The following PKN2 variants were observed in gnomAD, a reference collection of about 807,000 sequenced individuals.
The protein encoded by PKN2 is serine/threonine-protein kinase N2.
Under a neutral mutation model 119.1 loss-of-function variants are expected in PKN2, and 38 were observed. That is an observed-to-expected ratio of 0.32 (90% CI 0.25 to 0.42). The LOEUF is 0.42. Ranked by LOEUF, PKN2 falls within the 10% of genes least tolerant of loss-of-function variation. PKN2 has a pLI of 1.00. For missense variants in PKN2, 850 were observed against 1,165.1 expected, an observed-to-expected ratio of 0.73 and a Z score of 3.94; for synonymous variants, 390 against 384.9, an observed-to-expected ratio of 1.01 and a Z score of -0.15.
intron 17 of PKN2, among the ~76,000 whole-genome samples, chr1:88,822,913 G>A (rs553433184): frequency 6.6e-6 from 1 of 151,792 alleles, no homozygotes; most frequent in Non-Finnish European, 1.5e-5. Flanking sequence ...TGATAAGATT[G>A]TTTTACCTAA....
At chr1:88,687,318 A>G (rs1219964439) in intron 1 of PKN2, among the ~76,000 whole-genome samples, 2 of 152,204 alleles carry the variant, frequency 1.3e-5, no homozygotes, top group Middle Eastern at 3.2e-3. Context: ...TCAAGGTATA[A>G]GGAAGAATAT....
At chr1:88,792,398 G>A (rs566055588) in intron 8 of PKN2, among the ~76,000 whole-genome samples, 10 of 151,448 alleles carry the variant, frequency 6.6e-5, no homozygotes, top group East Asian at 1.9e-4. Context: ...GTGAGACTCC[G>A]TCTCAAAAAA....
intron 1 of PKN2, among the ~76,000 whole-genome samples, chr1:88,708,374 C>G (rs902741251): frequency 1.3e-5 from 2 of 151,982 alleles, no homozygotes; most frequent in African/African-American, 4.8e-5. Context: ...TAAGATATTT[C>G]AAAGTCTTGT....
At chr1:88,747,246 G>A (rs895644241) in intron 2 of PKN2, among the ~76,000 whole-genome samples, 1 of 152,076 alleles carries the variant, frequency 6.6e-6, no homozygotes, top group African/African-American at 2.4e-5. Context: ...TTTCAAAATA[G>A]CTAAAAGAAA....
At chr1:88,764,673 A>T (rs547646219) in intron 3 of PKN2, among the ~76,000 whole-genome samples, 2 of 152,174 alleles carry the variant, frequency 1.3e-5, no homozygotes, top group African/African-American at 4.8e-5. Flanking sequence ...GTGTACTATA[A>T]TTATTTTCAT....
intron 1 of PKN2, among the ~76,000 whole-genome samples, chr1:88,730,650 G>A (rs1668111500): frequency 6.6e-6 from 1 of 152,164 alleles, no homozygotes; most frequent in South Asian, 2.1e-4. Flanking sequence ...CAAAATGGGA[G>A]GTTTTCTTTT....
chr1:88,833,456 GAC>G lies in PKN2; in HGVS notation c.*11_*12del, dbSNP rs776272128. 2 of 1,610,840 alleles carry G rather than the reference GAC, an allele frequency of 1.2e-6. No homozygotes were observed. Among genetic ancestry groups the G allele is most frequent in the East Asian group, 2.2e-5 (1 of 44,822 alleles). ...ATTGCTGATTGGTGTTAAGTTGCTA[GAC>G]ACTGCGAAACCAAGCTGACTCACAA... On this transcript the variant is annotated 3_prime_UTR_variant, in exon 22 of 22. Transcript: ENST00000370521.
chr1:88,820,213 TATATATATATATATATATATAA>T (rs1236663975), intron 16 of PKN2, among the ~76,000 whole-genome samples: 10 of 90,670 alleles, frequency 1.1e-4, no homozygotes, highest in African/African-American at 2.5e-4. Flanking sequence ...TATATATATA[TATATATATATATATATATATAA>T]ATAGAAAAAA....
At chr1:88,737,207 G>T (rs1668384987) in intron 1 of PKN2, among the ~76,000 whole-genome samples, 1 of 152,172 alleles carries the variant, frequency 6.6e-6, no homozygotes, top group South Asian at 2.1e-4. Flanking sequence ...ACTATAGCCT[G>T]CCTGCTGCTG....
rs1368999559 is a variant in PKN2 at position 88,766,390 on chromosome 1, G to T, written c.505-3962G>T. Among the ~76,000 whole-genome samples the T allele has an allele frequency of 2.0e-5, 3 of 152,260 alleles. No homozygotes were observed. The South Asian group carries it at 6.2e-4, about 32-fold the overall frequency. On this transcript the variant is annotated intron_variant, in intron 3 of 21. Transcript: ENST00000370521. ...TGATTGGCTTATTTGAAAGTTTTCT[G>T]TGTGATGTAATGTGTTGTAATGTCC...
intron 2 of PKN2, among the ~76,000 whole-genome samples, chr1:88,743,602 A>G (rs1570565718): frequency 6.6e-6 from 1 of 152,308 alleles, no homozygotes; most frequent in East Asian, 1.9e-4. Flanking sequence ...GTATTTCTGT[A>G]CATGTTATAT....
chr1:88,768,754 T>C (rs968507106), intron 3 of PKN2, among the ~76,000 whole-genome samples: 2 of 152,222 alleles, frequency 1.3e-5, no homozygotes, highest in Non-Finnish European at 2.9e-5. Context: ...TGCTCTTGCA[T>C]TGATTCATTT....
intron 8 of PKN2, among the ~76,000 whole-genome samples, chr1:88,798,995 A>G (rs531567013): frequency 2.1e-4 from 32 of 151,698 alleles, no homozygotes; most frequent in African/African-American, 7.8e-4. Flanking sequence ...ATGTAACAAT[A>G]TAGGTTTGAG....
At chr1:88,742,576 A>G (rs923107103) in intron 2 of PKN2, among the ~76,000 whole-genome samples, 2 of 152,164 alleles carry the variant, frequency 1.3e-5, no homozygotes, top group African/African-American at 4.8e-5. Context: ...AGAACGCTTC[A>G]GCTCTTCATC....
intron 2 of PKN2, among the ~76,000 whole-genome samples, chr1:88,754,706 G>A (rs1669133152): frequency 6.6e-6 from 1 of 152,126 alleles, no homozygotes; most frequent in Non-Finnish European, 1.5e-5. Context: ...ATATTTTGGT[G>A]GAGGAATTAG....
chr1:88,754,012 CTG>C (rs780356352), intron 2 of PKN2, among the ~76,000 whole-genome samples: 28 of 147,578 alleles, frequency 1.9e-4, no homozygotes, highest in Non-Finnish European at 2.6e-4. Context: ...TTTCTGACTG[CTG>C]TGAAGACTGT....
intron 6 of PKN2, among the ~76,000 whole-genome samples, chr1:88,772,631 A>G (rs888623531): frequency 2.0e-5 from 3 of 152,184 alleles, no homozygotes; most frequent in Admixed American, 6.5e-5. Context: ...GTAGACTGCT[A>G]TGAACATTTA....
chr1:88,753,296 G>T (rs925167686), intron 2 of PKN2, among the ~76,000 whole-genome samples: 1 of 151,982 alleles, frequency 6.6e-6, no homozygotes, highest in African/African-American at 2.4e-5. Flanking sequence ...TCTGTTCTTC[G>T]TTATTTCTTT....
intron 1 of PKN2, among the ~76,000 whole-genome samples, chr1:88,723,766 T>C (rs1053449301): frequency 1.3e-5 from 2 of 152,220 alleles, no homozygotes; most frequent in African/African-American, 2.4e-5. Flanking sequence ...TTTTTAGTTA[T>C]CAAAATTCTA....
Sources: gnomAD v4.1 joint callset for allele counts (sites outside exome capture counted in the v4.1 genomes callset) on GRCh38, gnomAD v4.1.1 for gene constraint, MANE v1.5 for transcripts, NCBI Gene and HGNC (gene_info 2026-07-23, HGNC 2026-07-21) for gene names.